Variants in PRKN observed in about 807,000 individuals in gnomAD.
The protein encoded by PRKN is E3 ubiquitin-protein ligase parkin.
PRKN carries 56 observed loss-of-function variants against 59.5 expected under a neutral mutation model. The observed-to-expected ratio is 0.94, with a 90% CI of 0.76 to 1.18. The LOEUF is 1.18. PRKN is among the 50% of genes most tolerant of loss of function. The pLI is 0.00. For missense variants in PRKN, 657 were observed against 596.4 expected, an observed-to-expected ratio of 1.10 and a Z score of -1.06; for synonymous variants, 250 against 222.1, an observed-to-expected ratio of 1.13 and a Z score of -1.12.
At chr6:162,576,970 T>C (rs1267779596) in intron 1 of PRKN, among the ~76,000 whole-genome samples, 1 of 151,932 alleles carries the variant, frequency 6.6e-6, no homozygotes, top group Non-Finnish European at 1.5e-5. Context: ...ATGGCAAAAA[T>C]AATGCCTTTC....
chr6:161,716,058 T>G (rs1476009346), intron 7 of PRKN: 5 of 1,293,200 alleles, frequency 3.9e-6, no homozygotes, highest in Non-Finnish European at 5.1e-6. Flanking sequence ...CACCATGCTG[T>G]GCTGGGCCCA....
intron 2 of PRKN, among the ~76,000 whole-genome samples, chr6:162,275,856 T>C (rs1780615283): frequency 6.6e-6 from 1 of 152,098 alleles, no homozygotes; most frequent in African/African-American, 2.4e-5. Context: ...TTATTTTGAT[T>C]GGTGGTTATC....
intron 9 of PRKN, among the ~76,000 whole-genome samples, chr6:161,532,785 T>C (rs1779271802): frequency 6.6e-6 from 1 of 152,166 alleles, no homozygotes; most frequent in Admixed American, 6.5e-5. Flanking sequence ...GATGCTGGGA[T>C]ATCTGAGTCA....
chr6:162,663,331 G>C (rs1778967181), intron 1 of PRKN, among the ~76,000 whole-genome samples: 1 of 151,944 alleles, frequency 6.6e-6, no homozygotes, highest in South Asian at 2.1e-4. Flanking sequence ...AAGCAAGGAG[G>C]TGATAACCTG....
intron 7 of PRKN, among the ~76,000 whole-genome samples, chr6:161,711,924 C>T (rs555280748): frequency 1.8e-4 from 27 of 152,316 alleles, no homozygotes; most frequent in African/African-American, 5.5e-4. Flanking sequence ...GTTGCACTAT[C>T]GGCTTTCCTA....
chr6:162,573,254 A>G (rs981951876), intron 1 of PRKN, among the ~76,000 whole-genome samples: 1 of 152,122 alleles, frequency 6.6e-6, no homozygotes, highest in African/African-American at 2.4e-5. Flanking sequence ...AAGACCTCCC[A>G]GCCCTCACTC....
chr6:161,619,900 T>C (rs1385407537), intron 7 of PRKN, among the ~76,000 whole-genome samples: 1 of 151,924 alleles, frequency 6.6e-6, no homozygotes, highest in Non-Finnish European at 1.5e-5. Context: ...ATATAAAATA[T>C]ATTATTAAAA....
rs974873991 is a variant in PRKN, at chr6:162,576,877, G to A, written c.8-133404C>T. The stretch of plus-strand genomic sequence containing the variant: ...TTTGAATAAAAGACGAATTGAGAGC[G>A]AGGATTTGATGCCCCTCACGGCATC... On this transcript the variant is annotated intron_variant, in intron 1 of 11. Transcript: ENST00000366898. Among the ~76,000 whole-genome samples, 4 of 150,786 alleles carry A rather than the reference G, an allele frequency of 2.7e-5. No individual in the cohort carries two copies. In the South Asian group the frequency reaches 6.3e-4, roughly 24 times the overall value.
chr6:161,671,392 C>T (rs960185693), intron 7 of PRKN, among the ~76,000 whole-genome samples: 1 of 152,188 alleles, frequency 6.6e-6, no homozygotes, highest in African/African-American at 2.4e-5. Context: ...CAACCGGCTG[C>T]ATTGTCACCT....
At chr6:161,869,093 G>T (rs1480943874) in intron 6 of PRKN, among the ~76,000 whole-genome samples, 1 of 152,046 alleles carries the variant, frequency 6.6e-6, no homozygotes, top group African/African-American at 2.4e-5. Context: ...AAATTAAAGG[G>T]GATAGCTGGG....
At position 162,693,484 on chromosome 6, in the gene PRKN, T is replaced by C. The variant is rs188349176; in HGVS notation, c.7+34178A>G. On this transcript the variant is annotated intron_variant, in intron 1 of 11. Transcript: ENST00000366898. ...GCAGTGAGCAAGCTGTACTTAAGAG[T>C]TGTCCCTAACAGATGTGAGGGCGGG... 2.0e-3 allele frequency among the ~76,000 whole-genome samples: 300 copies of C among 152,264 alleles called. 3 individuals are homozygous for C. The highest frequency in any genetic ancestry group is 0.015 in the East Asian group (80 of 5,188).
At chr6:162,273,981 T>C (rs1342115482) in intron 2 of PRKN, among the ~76,000 whole-genome samples, 2 of 152,128 alleles carry the variant, frequency 1.3e-5, no homozygotes, top group African/African-American at 4.8e-5. Flanking sequence ...AATTTTCCTA[T>C]AAAACCTAAC....
Position 161,823,475 on chromosome 6 carries a change from T to C in PRKN, c.735-37567A>G, listed in dbSNP as rs1448573580. Among the ~76,000 whole-genome samples the C allele has an allele frequency of 2.0e-5, 3 of 152,316 alleles. No individual in the cohort carries two copies. The East Asian group carries it at 5.8e-4, about 29-fold the overall frequency. ...CCAAACAAACGAATCTTTAAAATCC[T>C]GTCCATAAGTGTATGAAATATTTGG... On this transcript the variant is annotated intron_variant, in intron 6 of 11. Coordinates refer to ENST00000366898, the MANE Select transcript of PRKN (RefSeq NM_004562.3).
intron 2 of PRKN, among the ~76,000 whole-genome samples, chr6:162,329,442 A>G (rs991210430): frequency 5.9e-5 from 9 of 152,220 alleles, no homozygotes; most frequent in African/African-American, 1.7e-4. Context: ...AAAATGTTTA[A>G]CAACCGTTGC....
intron 3 of PRKN, among the ~76,000 whole-genome samples, chr6:162,208,238 C>G (rs1367588578): frequency 6.6e-6 from 1 of 152,150 alleles, no homozygotes; most frequent in African/African-American, 2.4e-5. Flanking sequence ...CTGTTCCATG[C>G]TTTTAACGAG....
At chr6:162,580,894 G>T (rs868503807) in intron 1 of PRKN, among the ~76,000 whole-genome samples, 1 of 152,062 alleles carries the variant, frequency 6.6e-6, no homozygotes, top group Non-Finnish European at 1.5e-5. Flanking sequence ...TCCTCCCCTC[G>T]CCCCAAAGTG....
chr6:161,640,203 T>C (rs1193325296), intron 7 of PRKN, among the ~76,000 whole-genome samples: 1 of 152,234 alleles, frequency 6.6e-6, no homozygotes, highest in Non-Finnish European at 1.5e-5. Flanking sequence ...TACTTTTTCT[T>C]CTCTTCCACC....
chr6:161,381,514 A>G (rs1785983790), intron 10 of PRKN, among the ~76,000 whole-genome samples: 1 of 152,212 alleles, frequency 6.6e-6, no homozygotes, highest in South Asian at 2.1e-4. Context: ...CAAGCAAATT[A>G]TTATATTTAT....
intron 10 of PRKN, among the ~76,000 whole-genome samples, chr6:161,367,233 G>A (rs1785245025): frequency 6.6e-6 from 1 of 151,686 alleles, no homozygotes; most frequent in Admixed American, 6.6e-5. Context: ...CACCCGCCTC[G>A]GCCTCCCAAA....
Sources: gnomAD v4.1 joint callset for allele counts (sites outside exome capture counted in the v4.1 genomes callset) on GRCh38, gnomAD v4.1.1 for gene constraint, MANE v1.5 for transcripts, NCBI Gene and HGNC (gene_info 2026-07-23, HGNC 2026-07-21) for gene names.